TTLL5: variants seen among roughly 807,000 people sequenced by gnomAD.
The protein encoded by TTLL5 is tubulin tyrosine ligase like 5, also known as tubulin polyglutamylase TTLL5.
A neutral mutation model predicts 168.4 loss-of-function variants in TTLL5; 132 were observed. That is an observed-to-expected ratio of 0.78 (90% CI 0.68 to 0.91). The LOEUF (loss-of-function observed/expected upper bound fraction) is 0.91. Among genes scored for constraint, TTLL5 ranks in the 40% least tolerant of loss-of-function variants. The pLI is 0.00. For synonymous variants in TTLL5, 546 were observed against 558.6 expected, an observed-to-expected ratio of 0.98 and a Z score of 0.32; for missense variants, 1,545 against 1,581.5, an observed-to-expected ratio of 0.98 and a Z score of 0.39.
chr14:75,768,484 G>T (rs552020658), intron 20 of TTLL5, among the ~76,000 whole-genome samples: 1 of 152,168 alleles, frequency 6.6e-6, no homozygotes, highest in East Asian at 1.9e-4. Flanking sequence ...CCAGCTAAAA[G>T]AAACGGATTT....
chr14:75,727,851 AG>A, intron 12 of TTLL5: 1 of 503,034 alleles, frequency 2.0e-6, no homozygotes, highest in Non-Finnish European at 4.0e-6. Flanking sequence ...AGTCGTTGTC[AG>A]GGATGGGGGA....
chr14:75,908,284 G>A (rs1428662344), intron 31 of TTLL5, among the ~76,000 whole-genome samples: 1 of 152,242 alleles, frequency 6.6e-6, no homozygotes, highest in Non-Finnish European at 1.5e-5. Flanking sequence ...GCAGAGTCAG[G>A]CCCACCAGCC....
chr14:75,913,544 A>C (rs979719952), intron 31 of TTLL5, among the ~76,000 whole-genome samples: 1 of 152,206 alleles, frequency 6.6e-6, no homozygotes, highest in East Asian at 1.9e-4. Flanking sequence ...AGCCTGTAGT[A>C]GGGGCTTAAG....
In TTLL5 at chr14:75,775,600, G is replaced by C; in HGVS notation, c.2253G>C (p.Gln751His). The C allele has an allele frequency of 6.2e-7, 1 of 1,614,092 alleles. No individual in the cohort carries two copies. The highest frequency in any genetic ancestry group is 8.5e-7 in the Non-Finnish European group (1 of 1,179,986). ...LLERRRILAH[Q>H]LGDFIIVYNK... is the part of the protein sequence containing the mutation. ...AACGCAGAAGAATCCTGGCCCACCA[G>C]CTGGGTGACTTTATCATTGTATACA... Residue 751 changes from glutamine to histidine, a missense_variant, in exon 22 of 32, where the codon CAG becomes CAC. Transcript: ENST00000298832.
In TTLL5 at chr14:75,885,997, C is replaced by G. The variant is rs545638821; in HGVS notation, c.3740+3095C>G. On this transcript the variant is annotated intron_variant, in intron 30 of 31. Coordinates refer to ENST00000298832, the MANE Select transcript of TTLL5 (RefSeq NM_015072.5). ...TTGGATCTTACTGTGGCCTTTACTC[C>G]GGCTCAGTTCAGATTAATCAGGAAC... Among the ~76,000 whole-genome samples the G allele has an allele frequency of 4.6e-5, 7 of 152,216 alleles. No individual in the cohort carries two copies. The South Asian group carries it at 1.5e-3, about 32-fold the overall frequency.
At chr14:75,904,068 C>A in intron 31 of TTLL5, 4 of 1,211,312 alleles carry the variant, frequency 3.3e-6, no homozygotes, top group Non-Finnish European at 4.2e-6. Context: ...CTTTCCACTC[C>A]CTGCTCATGC....
chr14:75,830,734 T>C (rs1895514567), intron 28 of TTLL5, among the ~76,000 whole-genome samples: 1 of 152,218 alleles, frequency 6.6e-6, no homozygotes, highest in Non-Finnish European at 1.5e-5. Context: ...GTGTATGTTG[T>C]CTTATTCATT....
chr14:75,728,370 AAAAAG>A (rs1250621639), intron 12 of TTLL5, among the ~76,000 whole-genome samples: 3 of 151,616 alleles, frequency 2.0e-5, no homozygotes, highest in Admixed American at 6.6e-5. Context: ...AAAAAAAAAA[AAAAAG>A]AGAGAAAAAG....
intron 15 of TTLL5, among the ~76,000 whole-genome samples, 153 bp downstream of exon 15, chr14:75,735,442 T>C (rs550241360): frequency 1.3e-5 from 2 of 152,366 alleles, no homozygotes; most frequent in Non-Finnish European, 2.9e-5. Flanking sequence ...TATTCAGCTG[T>C]GGCTAATAGC....
intron 31 of TTLL5, among the ~76,000 whole-genome samples, chr14:75,953,383 TCCTAAGTGTATAC>T (rs1413745988): frequency 6.6e-6 from 1 of 152,180 alleles, no homozygotes; most frequent in East Asian, 1.9e-4. Context: ...GCAATTCCCC[TCCTAAGTGTATAC>T]CCAAAGAAAT....
intron 28 of TTLL5, chr14:75,838,594 G>C (rs947591989): frequency 1.3e-5 from 2 of 152,350 alleles, no homozygotes; most frequent in Non-Finnish European, 2.9e-5. Context: ...CTTGGAGGTG[G>C]CATCAAAGGT....
rs72627170 is a variant in TTLL5 at position 75,718,797 on chromosome 14, T to C, written c.842+835T>C. On this transcript the variant is annotated intron_variant, in intron 10 of 31. Transcript: ENST00000298832. ...TCTGTTTTCTTTCATGCCGATATTT[T>C]TGCCAGAAAGTGGAAAAGTGGAAAA... Among the ~76,000 whole-genome samples, 733 of 152,292 alleles carry C rather than the reference T, an allele frequency of 4.8e-3. 40 individuals are homozygous for C. In the East Asian group the frequency reaches 0.12, roughly 25 times the overall value.
chr14:75,945,090 C>T (rs2034727118), intron 31 of TTLL5, among the ~76,000 whole-genome samples: 1 of 151,750 alleles, frequency 6.6e-6, no homozygotes, highest in African/African-American at 2.4e-5. Context: ...ATATAAAACC[C>T]CAAGTCAGAA....
At chr14:75,852,843 C>T (rs1896933593) in intron 28 of TTLL5, among the ~76,000 whole-genome samples, 1 of 152,108 alleles carries the variant, frequency 6.6e-6, no homozygotes, top group Non-Finnish European at 1.5e-5. Flanking sequence ...ATCAGTGTTC[C>T]CAGTCAGCAG....
intron 31 of TTLL5, among the ~76,000 whole-genome samples, chr14:75,944,350 C>A (rs1310562371): frequency 6.6e-6 from 1 of 152,094 alleles, no homozygotes; most frequent in Non-Finnish European, 1.5e-5. Context: ...CAAGAGTCAC[C>A]CTTCTACAAA....
chr14:75,902,290 C>T (rs2032959166), intron 31 of TTLL5, 66 bp downstream of exon 31: 3 of 1,514,664 alleles, frequency 2.0e-6, no homozygotes, highest in Admixed American at 3.5e-5. Flanking sequence ...TTGGCACATT[C>T]TCTCTTCTGC....
intron 30 of TTLL5, among the ~76,000 whole-genome samples, chr14:75,887,563 A>G (rs1189931270): frequency 6.6e-6 from 1 of 152,194 alleles, no homozygotes; most frequent in Non-Finnish European, 1.5e-5. Flanking sequence ...GTAGAAGATA[A>G]AGGGATGGAG....
Position 75,776,761 on chromosome 14 carries a change from G to A in TTLL5, c.2298G>A (p.Met766Ile). The change falls in exon 23 of 32, where the codon ATG (methionine) becomes ATA (isoleucine). Residue 766 changes from methionine (M) to isoleucine (I), a missense_variant. By Grantham distance (10) the Met-to-Ile change is conservative. Coordinates refer to ENST00000298832, the MANE Select transcript of TTLL5 (RefSeq NM_015072.5). ...IIVYNKETEQMAEKKSKKKVE... is the reference protein window; with the variant it reads ...IIVYNKETEQIAEKKSKKKVE... ...GCACTGGGTAGGAAACAGAACAAAT[G>A]GCTGAAAAGAAATCAAAGAAGAAAG... The A allele has an allele frequency of 6.2e-7, 1 of 1,613,734 alleles. No individual in the cohort carries two copies. Among genetic ancestry groups the A allele is most frequent in the Non-Finnish European group, 8.5e-7 (1 of 1,179,782 alleles).
chr14:75,840,008 T>C (rs940624424), intron 28 of TTLL5, among the ~76,000 whole-genome samples: 1 of 152,198 alleles, frequency 6.6e-6, no homozygotes, highest in Non-Finnish European at 1.5e-5. Flanking sequence ...TCCCATTCCA[T>C]TGAATACCCT....
Sources: gnomAD v4.1 joint callset for allele counts (sites outside exome capture counted in the v4.1 genomes callset) on GRCh38, gnomAD v4.1.1 for gene constraint, MANE v1.5 for transcripts, NCBI Gene and HGNC (gene_info 2026-07-23, HGNC 2026-07-21) for gene names.